Variants in TYW1 observed in about 807,000 individuals in gnomAD.
The protein encoded by TYW1 is tRNA-yW synthesizing protein 1 homolog, also known as S-adenosyl-L-methionine-dependent tRNA 4-demethylwyosine synthase TYW1.
A neutral mutation model predicts 96.2 loss-of-function variants in TYW1; 46 were observed. The ratio of observed to expected loss-of-function variants is 0.48; its 90% CI spans 0.38 to 0.61. The LOEUF is 0.61. Among genes scored for constraint, TYW1 ranks in the 20% least tolerant of loss-of-function variants. TYW1 has a pLI of 0.00. For synonymous variants in TYW1, 274 were observed against 323.0 expected, an observed-to-expected ratio of 0.85 and a Z score of 1.63; for missense variants, 684 against 909.6, an observed-to-expected ratio of 0.75 and a Z score of 3.19.
At chr7:67,222,869 T>TC (rs71052412) in intron 15 of TYW1, among the ~76,000 whole-genome samples, 147 of 115,472 alleles carry the variant, frequency 1.3e-3, no homozygotes, top group Non-Finnish European at 1.3e-3. Context: ...TTTTTTTCTT[T>TC]TTTTTTTTTT....
chr7:67,227,711 G>A (rs1476790668), intron 15 of TYW1, among the ~76,000 whole-genome samples: 2 of 151,858 alleles, frequency 1.3e-5, no homozygotes, highest in Non-Finnish European at 2.9e-5. Context: ...TAAAATCTTT[G>A]GACACCAAGA....
At chr7:67,037,787 G>A (rs1794888600) in intron 7 of TYW1, among the ~76,000 whole-genome samples, 1 of 152,054 alleles carries the variant, frequency 6.6e-6, no homozygotes, top group South Asian at 2.1e-4. Context: ...CGGCAACATA[G>A]CAACACTGTC....
intron 13 of TYW1, among the ~76,000 whole-genome samples, chr7:67,175,600 A>G (rs1473264092): frequency 6.6e-6 from 1 of 152,166 alleles, no homozygotes; most frequent in Non-Finnish European, 1.5e-5. Flanking sequence ...ACCATGAAAA[A>G]TTGGCTTTAT....
chr7:67,133,250 C>T (rs1161301718), intron 13 of TYW1, among the ~76,000 whole-genome samples: 3 of 137,050 alleles, frequency 2.2e-5, no homozygotes, highest in Non-Finnish European at 4.7e-5. Flanking sequence ...GATCTTCCCA[C>T]CTCAGTCCCC....
intron 3 of TYW1, among the ~76,000 whole-genome samples, chr7:67,002,787 A>G (rs1793446460): frequency 6.9e-6 from 1 of 145,066 alleles, no homozygotes; most frequent in South Asian, 2.2e-4. Context: ...TACCTTTTGG[A>G]TCGTCTTCTG....
chr7:67,212,912 G>A (rs1584703733), intron 15 of TYW1, among the ~76,000 whole-genome samples: 1 of 151,960 alleles, frequency 6.6e-6, no homozygotes, highest in African/African-American at 2.4e-5. Flanking sequence ...TTTTGCTCTT[G>A]TTGCCCAAGC....
chr7:67,050,654 A>G (rs1326481746), intron 8 of TYW1, among the ~76,000 whole-genome samples: 1 of 152,016 alleles, frequency 6.6e-6, no homozygotes, highest in Non-Finnish European at 1.5e-5. Flanking sequence ...AGAAATATAT[A>G]TATGTTTGTA....
At chr7:67,231,737 G>T (rs535902534) in intron 15 of TYW1, among the ~76,000 whole-genome samples, 2 of 151,592 alleles carry the variant, frequency 1.3e-5, no homozygotes, top group East Asian at 3.9e-4. Flanking sequence ...GCTATAATGT[G>T]CCTCAGACGG....
intron 8 of TYW1, among the ~76,000 whole-genome samples, chr7:67,050,884 G>A (rs1443207492): frequency 6.6e-6 from 1 of 151,338 alleles, no homozygotes; most frequent in Non-Finnish European, 1.5e-5. Flanking sequence ...GTTGCTCAAG[G>A]TTTTACACTA....
chr7:67,121,027 C>G (rs1797743467), intron 13 of TYW1, among the ~76,000 whole-genome samples: 1 of 152,190 alleles, frequency 6.6e-6, no homozygotes, highest in Non-Finnish European at 1.5e-5. Context: ...GTTTCTTGTT[C>G]TTGGCATTGT....
At chr7:67,238,069 C>G (rs572497055) in intron 15 of TYW1, among the ~76,000 whole-genome samples, 44 of 151,634 alleles carry the variant, frequency 2.9e-4, no homozygotes, top group Non-Finnish European at 5.6e-4. Flanking sequence ...ACTTGTCTTC[C>G]GGGCCCAGCA....
In TYW1 at chr7:67,208,284, G is replaced by A. The variant is rs112303573; in HGVS notation, c.1977+12947G>A. 6.0e-3 allele frequency among the ~76,000 whole-genome samples: 909 copies of A among 152,186 alleles called. 8 individuals are homozygous for A. Among genetic ancestry groups the A allele is most frequent in the African/African-American group, 0.021 (865 of 41,532 alleles). Reference sequence around the variant, plus strand: ...TGCAGTGAGCAGAGATTGTGCCACCGCACCCCAGCCTGGGGAACAGAGCCA... The same window carrying A: ...TGCAGTGAGCAGAGATTGTGCCACCACACCCCAGCCTGGGGAACAGAGCCA... On this transcript the variant is annotated intron_variant, in intron 15 of 15. Coordinates refer to ENST00000359626, the MANE Select transcript of TYW1 (RefSeq NM_018264.4).
intron 10 of TYW1, among the ~76,000 whole-genome samples, chr7:67,079,201 T>TGTGTGTGTGTGTG (rs1563001300): frequency 6.7e-6 from 1 of 149,682 alleles, no homozygotes. Flanking sequence ...TGTGTGTGTG[T>TGTGTGTGTGTGTG]TTTAGGTTTG....
chr7:67,167,619 A>C (rs2116246566), intron 13 of TYW1, among the ~76,000 whole-genome samples: 1 of 151,858 alleles, frequency 6.6e-6, no homozygotes, highest in East Asian at 1.9e-4. Flanking sequence ...TTCCCACTGC[A>C]ATGGGTATCA....
At chr7:67,028,379 C>G (rs1794530242) in intron 7 of TYW1, among the ~76,000 whole-genome samples, 1 of 152,136 alleles carries the variant, frequency 6.6e-6, no homozygotes, top group Non-Finnish European at 1.5e-5. Flanking sequence ...GAAACCCCGT[C>G]TTTTCTGAAA....
At chr7:67,121,433 C>T (rs1392168838) in intron 13 of TYW1, among the ~76,000 whole-genome samples, 2 of 152,162 alleles carry the variant, frequency 1.3e-5, no homozygotes, top group African/African-American at 2.4e-5. Flanking sequence ...CCCAGCTACT[C>T]GGGAGGCTGA....
intron 9 of TYW1, among the ~76,000 whole-genome samples, chr7:67,059,046 C>CAA (rs35010112): frequency 0.29 from 43,105 of 149,814 alleles, 6,321 homozygotes; most frequent in African/African-American, 0.33. Flanking sequence ...TACAGGAAGA[C>CAA]AGTATACTTT....
intron 11 of TYW1, among the ~76,000 whole-genome samples, chr7:67,095,085 G>A (rs1410306435): frequency 7.9e-5 from 12 of 151,464 alleles, no homozygotes; most frequent in African/African-American, 2.4e-4. Flanking sequence ...TGCAACCTCC[G>A]CCTCCCGGGT....
chr7:67,059,603 G>C (rs1795633871), intron 9 of TYW1, among the ~76,000 whole-genome samples: 4 of 145,968 alleles, frequency 2.7e-5, no homozygotes, highest in Non-Finnish European at 6.0e-5. Context: ...GGTTTTTGTA[G>C]AGTCTTTTTC....
Sources: gnomAD v4.1 joint callset for allele counts (sites outside exome capture counted in the v4.1 genomes callset) on GRCh38, gnomAD v4.1.1 for gene constraint, MANE v1.5 for transcripts, NCBI Gene and HGNC (gene_info 2026-07-23, HGNC 2026-07-21) for gene names.